ATRNL1: variants seen among roughly 807,000 people sequenced by gnomAD.
The protein encoded by ATRNL1 is attractin-like protein 1.
A neutral mutation model predicts 182.7 loss-of-function variants in ATRNL1; 95 were observed. The observed-to-expected ratio is 0.52, with a 90% CI of 0.44 to 0.62. The LOEUF is 0.62. Ranked by LOEUF, ATRNL1 falls within the 20% of genes least tolerant of loss-of-function variation. The pLI is 0.00. For missense variants in ATRNL1, 1,471 were observed against 1,679.5 expected, an observed-to-expected ratio of 0.88 and a Z score of 2.17; for synonymous variants, 576 against 568.3, an observed-to-expected ratio of 1.01 and a Z score of -0.19.
intron 21 of ATRNL1, among the ~76,000 whole-genome samples, chr10:115,428,438 G>A (rs1846002284): frequency 6.6e-6 from 1 of 151,972 alleles, no homozygotes; most frequent in Admixed American, 6.6e-5. Context: ...TTGAAAAGAT[G>A]TGAACATGAA....
At chr10:115,770,914 T>C (rs1338276699) in intron 27 of ATRNL1, among the ~76,000 whole-genome samples, 3 of 152,194 alleles carry the variant, frequency 2.0e-5, no homozygotes, top group Admixed American at 1.3e-4. Context: ...AGTCAGGTGC[T>C]TTTAAAATAT....
intron 27 of ATRNL1, among the ~76,000 whole-genome samples, chr10:115,739,639 C>T (rs560657987): frequency 6.6e-6 from 1 of 152,270 alleles, no homozygotes; most frequent in South Asian, 2.1e-4. Context: ...GTGTTTAAAA[C>T]ATTAACACAA....
At chr10:115,415,268 TTTCC>T (rs1191224807) in intron 20 of ATRNL1, among the ~76,000 whole-genome samples, 6 of 152,052 alleles carry the variant, frequency 3.9e-5, no homozygotes, top group African/African-American at 1.4e-4. Flanking sequence ...TTAATTTATA[TTTCC>T]ATTATTATAA....
At chr10:115,366,269 G>A (rs1857031623) in intron 19 of ATRNL1, among the ~76,000 whole-genome samples, 1 of 151,978 alleles carries the variant, frequency 6.6e-6, no homozygotes, top group African/African-American at 2.4e-5. Context: ...TTACCATTAT[G>A]TAATGGCCTT....
chr10:115,331,022 G>A (rs1301139389), intron 18 of ATRNL1, among the ~76,000 whole-genome samples: 1 of 151,020 alleles, frequency 6.6e-6, no homozygotes, highest in Admixed American at 6.6e-5. Context: ...TGAAATCAGT[G>A]ATTCTTCTGC....
At chr10:115,604,950 ATATT>A (rs1555017164) in intron 26 of ATRNL1, among the ~76,000 whole-genome samples, 1 of 152,144 alleles carries the variant, frequency 6.6e-6, no homozygotes, top group Non-Finnish European at 1.5e-5. Context: ...GTTACCAAAG[ATATT>A]TATCTCAATT....
chr10:115,917,500 G>T (rs1347663688), intron 28 of ATRNL1, among the ~76,000 whole-genome samples: 1 of 149,880 alleles, frequency 6.7e-6, no homozygotes, highest in Admixed American at 6.7e-5. Flanking sequence ...AAAAAAACGG[G>T]GCCATGATAT....
At chr10:115,674,574 C>G (rs1359807552) in intron 26 of ATRNL1, among the ~76,000 whole-genome samples, 1 of 152,038 alleles carries the variant, frequency 6.6e-6, no homozygotes, top group Non-Finnish European at 1.5e-5. Flanking sequence ...AAGATGTAGT[C>G]CCAGTTCTCA....
intron 24 of ATRNL1, among the ~76,000 whole-genome samples, chr10:115,503,273 G>T (rs533977226): frequency 3.2e-4 from 48 of 152,038 alleles, no homozygotes; most frequent in Middle Eastern, 3.4e-3. Flanking sequence ...AAATCTTTTA[G>T]GCCAGTTACC....
At chr10:115,708,785 T>G (rs1447983272) in intron 26 of ATRNL1, among the ~76,000 whole-genome samples, 1 of 151,838 alleles carries the variant, frequency 6.6e-6, no homozygotes, top group East Asian at 1.9e-4. Context: ...TTACTGGTTC[T>G]GTGTATTTGC....
At chr10:115,245,581 A>C (rs1592316222) in intron 10 of ATRNL1, among the ~76,000 whole-genome samples, 1 of 151,680 alleles carries the variant, frequency 6.6e-6, no homozygotes, top group African/African-American at 2.4e-5. Context: ...GTTTGGAGTG[A>C]TATATATGTA....
At chr10:115,404,358 A>G (rs1844721140) in intron 20 of ATRNL1, among the ~76,000 whole-genome samples, 1 of 152,174 alleles carries the variant, frequency 6.6e-6, no homozygotes, top group South Asian at 2.1e-4. Context: ...AGACAGAAGT[A>G]ACACCCACCA....
At chr10:115,451,145 A>G (rs2134484498) in intron 21 of ATRNL1, among the ~76,000 whole-genome samples, 1 of 152,292 alleles carries the variant, frequency 6.6e-6, no homozygotes, top group African/African-American at 2.4e-5. Flanking sequence ...ACTTAAATGT[A>G]AAACACAAAA....
At chr10:115,322,867 T>A (rs1015760852) in intron 18 of ATRNL1, among the ~76,000 whole-genome samples, 4 of 152,148 alleles carry the variant, frequency 2.6e-5, no homozygotes, top group African/African-American at 9.6e-5. Context: ...TTATTGGGCT[T>A]TTTTGTAAGT....
Position 115,138,782 on chromosome 10 carries a change from ACATT to A in ATRNL1, c.829+9250_829+9253del, listed in dbSNP as rs1845632502. Among the ~76,000 whole-genome samples the A allele has an allele frequency of 2.0e-5, 3 of 152,174 alleles. No individual in the cohort carries two copies. The South Asian group carries it at 6.2e-4, about 32-fold the overall frequency. On this transcript the variant is annotated intron_variant, in intron 5 of 28. Transcript: ENST00000355044. Reference sequence around the variant, plus strand: ...ATTTTCCCCATTGTCTTGGTGATTAACATTCAGCTCCTCATTACTTATGCAAATT... The same window carrying A: ...ATTTTCCCCATTGTCTTGGTGATTAACAGCTCCTCATTACTTATGCAAATT...
At chr10:115,150,703 T>C (rs1043694643) in intron 5 of ATRNL1, among the ~76,000 whole-genome samples, 3 of 152,120 alleles carry the variant, frequency 2.0e-5, no homozygotes, top group Non-Finnish European at 4.4e-5. Flanking sequence ...AGGCATGATT[T>C]TGATTTTTAA....
intron 27 of ATRNL1, among the ~76,000 whole-genome samples, chr10:115,798,800 G>T (rs1290449407): frequency 6.7e-6 from 1 of 149,786 alleles, no homozygotes; most frequent in Non-Finnish European, 1.5e-5. Flanking sequence ...AAGTAATGAG[G>T]TTGCTTTTTT....
At chr10:115,105,826 A>G (rs922654614) in intron 1 of ATRNL1, among the ~76,000 whole-genome samples, 1 of 152,184 alleles carries the variant, frequency 6.6e-6, no homozygotes, top group Non-Finnish European at 1.5e-5. Flanking sequence ...AGATTTATGG[A>G]AACGCCTGGA....
At chr10:115,449,062 C>G (rs1847156174) in intron 21 of ATRNL1, among the ~76,000 whole-genome samples, 1 of 152,176 alleles carries the variant, frequency 6.6e-6, no homozygotes, top group African/African-American at 2.4e-5. Context: ...TAGAAGAGGG[C>G]AGTCCCTGGG....
Sources: allele counts gnomAD v4.1 joint callset (sites outside exome capture counted in the v4.1 genomes callset), GRCh38; gene constraint gnomAD v4.1.1; transcripts MANE v1.5; gene names NCBI Gene and HGNC (gene_info 2026-07-23, HGNC 2026-07-21).